The following DLG2 variants were observed in gnomAD, a reference collection of about 807,000 sequenced individuals.
DLG2 encodes the protein discs large MAGUK scaffold protein 2.
A neutral mutation model predicts 132.5 loss-of-function variants in DLG2; 45 were observed. The observed-to-expected ratio is 0.34, with a 90% CI of 0.27 to 0.44. The LOEUF (loss-of-function observed/expected upper bound fraction) is 0.44, where lower values mean the gene tolerates loss of function less well. Ranked by LOEUF, DLG2 falls within the 20% of genes least tolerant of loss-of-function variation. DLG2 has a pLI of 1.00. For missense variants in DLG2, 1,045 were observed against 1,196.9 expected (o/e 0.87, Z 1.87); for synonymous variants, 424 against 419.6 (o/e 1.01, Z -0.13).
At chr11:84,459,083 C>T (rs1567690853) in intron 7 of DLG2, among the ~76,000 whole-genome samples, 1 of 149,638 alleles carries the variant, frequency 6.7e-6, no homozygotes, top group Non-Finnish European at 1.5e-5. Flanking sequence ...CTTAACTACT[C>T]TTTTTTTTTG....
intron 18 of DLG2, among the ~76,000 whole-genome samples, chr11:83,686,564 C>A (rs1429498646): frequency 6.6e-6 from 1 of 151,532 alleles, no homozygotes; most frequent in Non-Finnish European, 1.5e-5. Flanking sequence ...ATAATATGTA[C>A]ACATTAAATG....
In DLG2 at chr11:84,664,328, C is replaced by T. The variant is rs143836707; in HGVS notation, c.358-129597G>A. 2.9e-3 allele frequency among the ~76,000 whole-genome samples: 435 copies of T among 152,110 alleles called. 1 individual carries two copies. The highest frequency in any genetic ancestry group is 9.6e-3 in the African/African-American group (398 of 41,500). On this transcript the variant is annotated intron_variant, in intron 6 of 27. Transcript: ENST00000376104. ...AAACAAAAAGCCTGAAATAATTTGT[C>T]CACTAAAATTACAAATTATATTTCA...
At chr11:84,060,449 A>G (rs1040589597) in intron 10 of DLG2, among the ~76,000 whole-genome samples, 4 of 152,116 alleles carry the variant, frequency 2.6e-5, no homozygotes, top group Non-Finnish European at 4.4e-5. Context: ...CAGATTTACA[A>G]AGTTCAAGGA....
At chr11:85,445,456 T>C (rs545833977) in intron 3 of DLG2, among the ~76,000 whole-genome samples, 1 of 152,302 alleles carries the variant, frequency 6.6e-6, no homozygotes, top group South Asian at 2.1e-4. Context: ...GGTGGGTGGA[T>C]CACCTGAGGT....
intron 17 of DLG2, among the ~76,000 whole-genome samples, chr11:83,787,169 C>T (rs2040157140): frequency 6.6e-6 from 1 of 151,684 alleles, no homozygotes; most frequent in South Asian, 2.1e-4. Flanking sequence ...TGTAAATAGA[C>T]AAATATATGC....
intron 8 of DLG2, among the ~76,000 whole-genome samples, chr11:84,220,780 C>CTTTTTTTTTTTTTT (rs5793114): frequency 3.9e-5 from 3 of 77,542 alleles, no homozygotes; most frequent in African/African-American, 4.8e-5. Flanking sequence ...TTTTTCTTTT[C>CTTTTTTTTTTTTTT]TTTTTTTTTT....
At chr11:85,204,582 G>C (rs1166612373) in intron 4 of DLG2, among the ~76,000 whole-genome samples, 1 of 151,840 alleles carries the variant, frequency 6.6e-6, no homozygotes, top group Non-Finnish European at 1.5e-5. Flanking sequence ...TGAATTGGAA[G>C]AATTACTATT....
intron 4 of DLG2, among the ~76,000 whole-genome samples, chr11:85,168,791 G>A (rs2152489147): frequency 6.6e-6 from 1 of 152,116 alleles, no homozygotes; most frequent in African/African-American, 2.4e-5. Flanking sequence ...TATGGTAGCT[G>A]GTCTTATCTA....
At chr11:85,150,509 C>A (rs371513359) in intron 5 of DLG2, among the ~76,000 whole-genome samples, 138 of 152,168 alleles carry the variant, frequency 9.1e-4, no homozygotes, top group African/African-American at 3.1e-3. Flanking sequence ...CCCCCTCCCT[C>A]ATCTCTCCAG....
intron 6 of DLG2, among the ~76,000 whole-genome samples, chr11:84,863,413 G>A (rs953590588): frequency 5.9e-5 from 9 of 151,986 alleles, no homozygotes; most frequent in African/African-American, 1.5e-4. Context: ...TCTCAGATGC[G>A]CTTTTCCTTA....
At chr11:84,473,771 T>C (rs75029953) in intron 7 of DLG2, among the ~76,000 whole-genome samples, 5,180 of 152,084 alleles carry the variant, frequency 0.034, 221 homozygotes, top group African/African-American at 0.1. Context: ...TAAGTCAGAG[T>C]AAAAGAAGGA....
intron 6 of DLG2, among the ~76,000 whole-genome samples, chr11:84,671,117 C>G (rs1345764208): frequency 6.7e-6 from 1 of 148,908 alleles, no homozygotes; most frequent in Non-Finnish European, 1.5e-5. Flanking sequence ...TTTTTTGAGA[C>G]AAAGTCTCAC....
At chr11:85,474,749 T>C (rs1376902694) in intron 3 of DLG2, among the ~76,000 whole-genome samples, 1 of 151,662 alleles carries the variant, frequency 6.6e-6, no homozygotes, top group South Asian at 2.1e-4. Context: ...AATTTTAGTT[T>C]TAATTCATTT....
chr11:83,573,056 C>T (rs952748842), intron 19 of DLG2, among the ~76,000 whole-genome samples: 3 of 152,080 alleles, frequency 2.0e-5, no homozygotes, highest in Non-Finnish European at 4.4e-5. Flanking sequence ...AAACAATATG[C>T]TTTTTTACTC....
chr11:85,290,631 C>G (rs1047287340), intron 3 of DLG2, among the ~76,000 whole-genome samples: 1 of 152,016 alleles, frequency 6.6e-6, no homozygotes, highest in South Asian at 2.1e-4. Flanking sequence ...ACAATAAGTA[C>G]TTAGTATGGA....
chr11:84,788,311 C>T (rs972731901), intron 6 of DLG2, among the ~76,000 whole-genome samples: 1 of 151,950 alleles, frequency 6.6e-6, no homozygotes, highest in African/African-American at 2.4e-5. Flanking sequence ...GTAAGTACTA[C>T]GACCTATATT....
intron 6 of DLG2, among the ~76,000 whole-genome samples, chr11:84,688,050 G>A (rs2099739642): frequency 6.6e-6 from 1 of 152,258 alleles, no homozygotes; most frequent in East Asian, 1.9e-4. Flanking sequence ...AGCAGAGGAA[G>A]AGCAGAAAAA....
chr11:84,890,848 T>C (rs2089261981), intron 6 of DLG2: 1 of 152,346 alleles, frequency 6.6e-6, no homozygotes, highest in South Asian at 2.1e-4. Flanking sequence ...CCAGTGTGCA[T>C]GGTGGGTCCA....
chr11:84,769,339 T>C (rs145820317), intron 6 of DLG2, among the ~76,000 whole-genome samples: 1 of 152,266 alleles, frequency 6.6e-6, no homozygotes, highest in East Asian at 1.9e-4. Flanking sequence ...AATTTTAAAA[T>C]ACAATTGAAA....
Sources: gnomAD v4.1 joint callset for allele counts (sites outside exome capture counted in the v4.1 genomes callset) on GRCh38, gnomAD v4.1.1 for gene constraint, MANE v1.5 for transcripts, NCBI Gene and HGNC (gene_info 2026-07-23, HGNC 2026-07-21) for gene names.